The following RHEX variants were observed in gnomAD, a reference collection of about 807,000 sequenced individuals.
RHEX encodes regulator of hemoglobinization and erythroid cell expansion.
Under a neutral mutation model 20.1 loss-of-function variants are expected in RHEX, and 18 were observed. The observed-to-expected ratio is 0.90, with a 90% confidence interval of 0.62 to 1.33. The LOEUF is 1.33. Among genes scored for constraint, RHEX ranks in the 40% most tolerant of loss-of-function variants. The pLI, the probability that RHEX is intolerant of heterozygous loss-of-function variation, is 0.00. For synonymous variants in RHEX, 87 were observed against 77.1 expected (o/e 1.13, Z -0.67); for missense variants, 192 against 214.3 (o/e 0.90, Z 0.65).
chr1:206,071,700 G>C (rs1174733760), intron 1 of RHEX, among the ~76,000 whole-genome samples: 2 of 151,562 alleles, frequency 1.3e-5, no homozygotes, highest in Admixed American at 6.6e-5. Context: ...ATAATAAAAA[G>C]TAGCCAGGCC....
chr1:206,098,043 T>C lies in RHEX; in HGVS notation c.12-38T>C, dbSNP rs782752981. The stretch of plus-strand genomic sequence containing the variant: ...AGGTTTGCAATTGTATTCACATCCT[T>C]GCAATCTCTGACTTTGCCCCTTTTT... On this transcript the variant is annotated intron_variant, in intron 2 of 5. Coordinates refer to ENST00000331555, the MANE Select transcript of RHEX (RefSeq NM_001007544.4). 2.0e-5 allele frequency: 30 copies of C among 1,496,960 alleles called. No individual in the cohort carries two copies. In the South Asian group the frequency reaches 3.2e-4, roughly 16 times the overall value. The allele number at this position is 1,496,960 out of a possible 1,614,324, so 92.7% of individuals were successfully genotyped here. A position where few individuals can be genotyped will look rare whatever the true frequency, so the allele number is the denominator to read the frequency against.
rs189200459 is a variant in RHEX at position 206,085,626 on chromosome 1, C to T, written c.-96-12107C>T. On this transcript the variant is annotated intron_variant, in intron 1 of 5. Transcript: ENST00000331555. ...AAACTCTGGATGACTTGCTTTCCTGCTAGAAATTGGCAGTGCTTGCACCTA... is the reference window on the plus strand; with the variant it reads ...AAACTCTGGATGACTTGCTTTCCTGTTAGAAATTGGCAGTGCTTGCACCTA... 1.3e-3 allele frequency among the ~76,000 whole-genome samples: 194 copies of T among 152,210 alleles called. 1 individual carries two copies. The highest frequency in any genetic ancestry group is 1.6e-3 in the Non-Finnish European group (110 of 68,002).
intron 1 of RHEX, among the ~76,000 whole-genome samples, chr1:206,055,331 G>T (rs966034679): frequency 3.9e-5 from 6 of 152,400 alleles, no homozygotes; most frequent in African/African-American, 1.4e-4. Flanking sequence ...TTATCAGTCA[G>T]TCAGCCCTTG....
At chr1:206,054,395 A>G (rs1478285315) in intron 1 of RHEX, among the ~76,000 whole-genome samples, 2 of 152,380 alleles carry the variant, frequency 1.3e-5, no homozygotes, top group Non-Finnish European at 2.9e-5. Flanking sequence ...GGTGTATAAG[A>G]AAAGTAAAAC....
intron 4 of RHEX, among the ~76,000 whole-genome samples, 175 bp from the exon 5 acceptor site, chr1:206,100,961 C>T (rs993725898): frequency 5.3e-5 from 8 of 152,114 alleles, no homozygotes; most frequent in Admixed American, 3.9e-4. Context: ...TATTCTGTTT[C>T]TCCTTCTTCC....
rs1663204433 is a variant in RHEX at position 206,102,051 on chromosome 1, A to C, written c.*99A>C. The stretch of plus-strand genomic sequence containing the variant: ...CCCCCTTAAACAAGGCATGGGGCTC[A>C]CAAGTCTATGGAGACAGGCCAAAAA... On this transcript the variant is annotated 3_prime_UTR_variant, in exon 6 of 6. Transcript: ENST00000331555. 3 of 992,322 alleles carry C rather than the reference A, an allele frequency of 3.0e-6. No individual in the cohort carries two copies. Among genetic ancestry groups the C allele is most frequent in the Non-Finnish European group, 4.7e-6 (3 of 639,954 alleles). The allele number at this position is 992,322 out of a possible 1,614,324, so 61.5% of individuals were successfully genotyped here.
intron 1 of RHEX, among the ~76,000 whole-genome samples, chr1:206,066,385 G>A (rs912500318): frequency 3.3e-5 from 5 of 152,242 alleles, no homozygotes; most frequent in African/African-American, 4.8e-5. Context: ...GGAAGGCCGA[G>A]GCGGACGGAT....
intron 4 of RHEX, among the ~76,000 whole-genome samples, chr1:206,100,916 A>G (rs1371463987): frequency 6.6e-6 from 1 of 152,030 alleles, no homozygotes; most frequent in Non-Finnish European, 1.5e-5. Flanking sequence ...GTCCCTGCCT[A>G]TTTTTGGAGA....
intron 1 of RHEX, among the ~76,000 whole-genome samples, chr1:206,069,652 A>G (rs905302106): frequency 5.3e-5 from 8 of 152,224 alleles, no homozygotes; most frequent in Admixed American, 6.5e-5. Context: ...ATACAGAATT[A>G]GTCTTTGTGC....
At chr1:206,074,972 A>G (rs1405849753) in intron 1 of RHEX, among the ~76,000 whole-genome samples, 4 of 152,220 alleles carry the variant, frequency 2.6e-5, no homozygotes, top group Non-Finnish European at 5.9e-5. Context: ...CATTCCCACA[A>G]TGCCCCACAG....
At chr1:206,093,432 G>A (rs901861070) in intron 1 of RHEX, among the ~76,000 whole-genome samples, 3 of 151,828 alleles carry the variant, frequency 2.0e-5, no homozygotes, top group South Asian at 2.1e-4. Flanking sequence ...CACCATGCCC[G>A]GCTAATTTTT....
chr1:206,080,048 G>A (rs779537313), intron 1 of RHEX, among the ~76,000 whole-genome samples: 124 of 152,290 alleles, frequency 8.1e-4, no homozygotes, highest in Non-Finnish European at 1.6e-3. Flanking sequence ...CAGGATCATG[G>A]GTTTCATCCT....
At chr1:206,077,714 G>C (rs1186615525) in intron 1 of RHEX, among the ~76,000 whole-genome samples, 1 of 152,232 alleles carries the variant, frequency 6.6e-6, no homozygotes, top group African/African-American at 2.4e-5. Context: ...CAACATCGTA[G>C]GTGGAGACTG....
intron 1 of RHEX, among the ~76,000 whole-genome samples, chr1:206,069,812 A>T (rs1390205083): frequency 6.6e-6 from 1 of 152,200 alleles, no homozygotes; most frequent in Non-Finnish European, 1.5e-5. Context: ...CTGGTATAAA[A>T]CTAGCTTTTA....
chr1:206,068,443 A>AT (rs2102311490), intron 1 of RHEX, among the ~76,000 whole-genome samples: 1 of 152,284 alleles, frequency 6.6e-6, no homozygotes, highest in Admixed American at 6.5e-5. Flanking sequence ...CTTATAGGGT[A>AT]TTTTTGGGAA....
intron 2 of RHEX, 24 bp from the exon 3 acceptor site, chr1:206,098,057 T>C (rs1212329371): frequency 1.3e-6 from 2 of 1,570,604 alleles, no homozygotes; most frequent in Non-Finnish European, 1.8e-6. Flanking sequence ...ATCTCTGACT[T>C]TGCCCCTTTT....
rs782247935 is a variant in RHEX at position 206,061,911 on chromosome 1, T to TA, written c.-97+8659dup. ...TTTGCTTTAGATTTATGTGTGTGTT[T>TA]AAAAAAAAAAAAATACATAGGCCAG... On this transcript the variant is annotated intron_variant, in intron 1 of 5. Coordinates refer to ENST00000331555, the MANE Select transcript of RHEX (RefSeq NM_001007544.4). 6.2e-3 allele frequency: 910 copies of TA among 146,214 alleles called. 6 individuals carry two copies. Among genetic ancestry groups the TA allele is most frequent in the African/African-American group, 0.02 (814 of 39,990 alleles). 9.1% of individuals were successfully genotyped at this position (146,214 alleles called of 1,614,324 possible).
intron 1 of RHEX, among the ~76,000 whole-genome samples, chr1:206,056,050 A>G (rs1236167818): frequency 6.6e-6 from 1 of 152,280 alleles, no homozygotes; most frequent in Middle Eastern, 3.2e-3. Context: ...TAGACTAGCT[A>G]GATACCAAAG....
chr1:206,088,323 A>G (rs1385037311), intron 1 of RHEX, among the ~76,000 whole-genome samples: 1 of 152,202 alleles, frequency 6.6e-6, no homozygotes, highest in Non-Finnish European at 1.5e-5. Context: ...ATAACATCCT[A>G]AACTTATTTT....
Sources: allele counts gnomAD v4.1 joint callset (sites outside exome capture counted in the v4.1 genomes callset), GRCh38; gene constraint gnomAD v4.1.1; transcripts MANE v1.5; gene names NCBI Gene and HGNC (gene_info 2026-07-23, HGNC 2026-07-21).